Variants in EXOC2 observed in about 807,000 individuals in gnomAD.
EXOC2 encodes exocyst complex component 2, also known as SEC5-like 1.
EXOC2 carries 70 observed loss-of-function variants against 131.8 expected under a neutral mutation model. The ratio of observed to expected loss-of-function variants is 0.53; its 90% CI spans 0.44 to 0.65. The LOEUF (loss-of-function observed/expected upper bound fraction) is 0.65. Ranked by LOEUF, EXOC2 falls within the 30% of genes least tolerant of loss-of-function variation. The pLI is 0.00. For synonymous variants in EXOC2, 411 were observed against 398.4 expected (o/e 1.03, Z -0.38); for missense variants, 923 against 1,108.6 (o/e 0.83, Z 2.38).
chr6:488,358 C>T (rs534289066), intron 27 of EXOC2, among the ~76,000 whole-genome samples: 6 of 152,306 alleles, frequency 3.9e-5, no homozygotes, highest in African/African-American at 1.2e-4. Context: ...TGCCTCAGCT[C>T]GGGGGAGCCT....
chr6:606,111 T>C (rs1487342751), intron 7 of EXOC2, among the ~76,000 whole-genome samples: 1 of 152,196 alleles, frequency 6.6e-6, no homozygotes, highest in Non-Finnish European at 1.5e-5. Flanking sequence ...GTTCGTGTCC[T>C]TCGTAGGGAC....
chr6:493,266 T>A (rs965663456), intron 25 of EXOC2, among the ~76,000 whole-genome samples: 5 of 152,214 alleles, frequency 3.3e-5, no homozygotes, highest in African/African-American at 1.2e-4. Context: ...GTTTCATTTT[T>A]TCAGTCCCTT....
At position 497,412 on chromosome 6, in the gene EXOC2, T is replaced by C. The variant is rs1180979966; in HGVS notation, c.2514A>G (p.Arg838=). 3 of 1,614,076 alleles carry C rather than the reference T, an allele frequency of 1.9e-6. No individual in the cohort carries two copies. The highest frequency in any genetic ancestry group is 2.2e-5 in the East Asian group (1 of 44,850). ...TGAAGGATGAAACACACTGCATCAGTCGACTGAGCTCTTCAGAAACTGCTT... is the reference window on the plus strand; with the variant it reads ...TGAAGGATGAAACACACTGCATCAGCCGACTGAGCTCTTCAGAAACTGCTT... ...VIEAVSEELS[R]LMQCVSSFSK... The change falls in exon 25 of 28, where the codon CGA becomes CGG. Residue 838 remains arginine (R), a synonymous_variant. Coordinates refer to ENST00000230449, the MANE Select transcript of EXOC2 (RefSeq NM_018303.6).
At chr6:555,497 A>G (rs1334837940) in intron 19 of EXOC2, among the ~76,000 whole-genome samples, 5 of 152,224 alleles carry the variant, frequency 3.3e-5, no homozygotes, top group Non-Finnish European at 5.9e-5. Flanking sequence ...CACATAAGTA[A>G]TAGACAATTA....
intron 22 of EXOC2, among the ~76,000 whole-genome samples, chr6:536,612 T>A (rs967807628): frequency 2.0e-5 from 3 of 152,122 alleles, no homozygotes; most frequent in Non-Finnish European, 2.9e-5. Flanking sequence ...AAGAACAAAG[T>A]TGGAAGACTC....
chr6:543,419 T>C (rs554946126), intron 22 of EXOC2, among the ~76,000 whole-genome samples: 88 of 152,226 alleles, frequency 5.8e-4, no homozygotes, highest in African/African-American at 2.1e-3. Flanking sequence ...GTCATTATCA[T>C]AGAAACAGAG....
intron 11 of EXOC2, among the ~76,000 whole-genome samples, chr6:588,320 T>C (rs556205839): frequency 1.2e-4 from 19 of 152,354 alleles, no homozygotes; most frequent in African/African-American, 4.3e-4. Context: ...ATTAAAACTG[T>C]AAAGTTCAAA....
At chr6:574,492 A>T (rs150346653) in intron 12 of EXOC2, among the ~76,000 whole-genome samples, 1 of 152,302 alleles carries the variant, frequency 6.6e-6, no homozygotes, top group African/African-American at 2.4e-5. Context: ...GTGTCTACTC[A>T]CACGTGTAAG....
chr6:488,480 T>C (rs1429050187), intron 27 of EXOC2, among the ~76,000 whole-genome samples: 1 of 152,196 alleles, frequency 6.6e-6, no homozygotes, highest in African/African-American at 2.4e-5. Flanking sequence ...TAATGAAATA[T>C]ATATGTATAT....
chr6:562,626 C>T (rs1198010439), intron 17 of EXOC2, among the ~76,000 whole-genome samples, 158 bp downstream of exon 17: 1 of 152,186 alleles, frequency 6.6e-6, no homozygotes, highest in Non-Finnish European at 1.5e-5. Context: ...ATTTATGGTT[C>T]GTGTTAAGCA....
chr6:677,932 T>TCACACA (rs1390594003), intron 1 of EXOC2, among the ~76,000 whole-genome samples: 67 of 77,308 alleles, frequency 8.7e-4, no homozygotes, highest in African/African-American at 2.4e-3. Context: ...GCTTATAATC[T>TCACACA]CTCACACACA....
chr6:545,674 G>A (rs1756811058), intron 22 of EXOC2, among the ~76,000 whole-genome samples: 1 of 152,170 alleles, frequency 6.6e-6, no homozygotes, highest in African/African-American at 2.4e-5. Context: ...CTTCCAAAAA[G>A]CTATCTGGCA....
chr6:641,323 G>C (rs912740847), intron 1 of EXOC2, among the ~76,000 whole-genome samples: 21 of 152,126 alleles, frequency 1.4e-4, no homozygotes, highest in African/African-American at 4.8e-4. Context: ...CTGGTTTCTG[G>C]GAGCGAGTCT....
chr6:501,703 C>A (rs541555256), intron 23 of EXOC2, among the ~76,000 whole-genome samples: 62 of 123,180 alleles, frequency 5.0e-4, no homozygotes, highest in Non-Finnish European at 8.1e-4. Flanking sequence ...ATATATATAT[C>A]TCTATATAAA....
intron 4 of EXOC2, among the ~76,000 whole-genome samples, chr6:625,019 G>C (rs1761484676): frequency 6.6e-6 from 1 of 152,184 alleles, no homozygotes; most frequent in Non-Finnish European, 1.5e-5. Context: ...TTTTCATCGA[G>C]GAATCGAAAC....
chr6:625,189 G>A (rs971225199), intron 4 of EXOC2, among the ~76,000 whole-genome samples: 2 of 152,204 alleles, frequency 1.3e-5, no homozygotes, highest in East Asian at 1.9e-4. Context: ...AAACAGGCAC[G>A]TTCTTCACAC....
At chr6:600,741 A>T (rs1230201879) in intron 7 of EXOC2, among the ~76,000 whole-genome samples, 1 of 147,688 alleles carries the variant, frequency 6.8e-6, no homozygotes, top group East Asian at 1.9e-4. Flanking sequence ...ATAATTAAAT[A>T]AAATAGAGAC....
In EXOC2 at chr6:572,502, C is replaced by G. The variant is rs201810816; in HGVS notation, c.1443+18G>C. ...CACGGTGACTCAGCTCCACCTCTAG[C>G]CGAGTCCGTATACACACCTCACTGA... On this transcript the variant is annotated intron_variant, in intron 13 of 27. Coordinates refer to ENST00000230449, the MANE Select transcript of EXOC2 (RefSeq NM_018303.6). 1 of 1,600,718 alleles carries G rather than the reference C, an allele frequency of 6.2e-7. No individual in the cohort carries two copies. The highest frequency in any genetic ancestry group is 8.5e-7 in the Non-Finnish European group (1 of 1,175,964).
At chr6:495,772 C>T (rs768117227) in intron 25 of EXOC2, among the ~76,000 whole-genome samples, 4 of 152,180 alleles carry the variant, frequency 2.6e-5, no homozygotes, top group African/African-American at 9.7e-5. Context: ...CATTTCCCTG[C>T]TAACTAACGA....
Sources: gnomAD v4.1 joint callset for allele counts (sites outside exome capture counted in the v4.1 genomes callset) on GRCh38, gnomAD v4.1.1 for gene constraint, MANE v1.5 for transcripts, NCBI Gene and HGNC (gene_info 2026-07-23, HGNC 2026-07-21) for gene names.